Variants in LRRC28 observed in about 807,000 individuals in gnomAD.
The protein encoded by LRRC28 is leucine rich repeat containing 28, also known as leucine-rich repeat-containing protein 28.
In LRRC28, 39 loss-of-function variants were observed where a neutral mutation model predicts 45.7. The ratio of observed to expected loss-of-function variants is 0.85; its 90% CI spans 0.66 to 1.12. LRRC28 has a LOEUF of 1.12. Ranked by LOEUF, LRRC28 falls within the 50% of genes most tolerant of loss-of-function variation. The pLI is 0.00. For synonymous variants in LRRC28, 206 were observed against 178.8 expected, an observed-to-expected ratio of 1.15 and a Z score of -1.22; for missense variants, 435 against 438.5, an observed-to-expected ratio of 0.99 and a Z score of 0.07.
At chr15:99,331,897 A>C (rs1956170857) in intron 5 of LRRC28, 1 of 152,098 alleles carries the variant, frequency 6.6e-6, no homozygotes, top group African/African-American at 2.4e-5. Context: ...CCAAATTCAG[A>C]TTTTGGAAGA....
intron 5 of LRRC28, among the ~76,000 whole-genome samples, chr15:99,320,013 G>A (rs1955739138): frequency 6.6e-6 from 1 of 151,904 alleles, no homozygotes; most frequent in Non-Finnish European, 1.5e-5. Flanking sequence ...CACCATGTTG[G>A]CCAGGCTGGT....
At chr15:99,364,834 A>G (rs1368668448) in intron 9 of LRRC28, among the ~76,000 whole-genome samples, 1 of 152,186 alleles carries the variant, frequency 6.6e-6, no homozygotes, top group Admixed American at 6.5e-5. Flanking sequence ...AACTATTATT[A>G]TCTATTTTTG....
At chr15:99,378,709 A>G (rs1056578987) in intron 9 of LRRC28, among the ~76,000 whole-genome samples, 25 of 152,152 alleles carry the variant, frequency 1.6e-4, no homozygotes, top group Admixed American at 3.3e-4. Context: ...TTTGAGATAC[A>G]TCCCATCAAT....
intron 2 of LRRC28, chr15:99,258,878 T>C: frequency 2.8e-6 from 2 of 709,340 alleles, no homozygotes; most frequent in South Asian, 2.8e-5. Flanking sequence ...CACAGATGAC[T>C]TCCGTGATAC....
intron 2 of LRRC28, among the ~76,000 whole-genome samples, chr15:99,269,186 A>G (rs2081408204): frequency 6.6e-6 from 1 of 152,370 alleles, no homozygotes. Flanking sequence ...GAAGATACTT[A>G]AAATATTTTC....
intron 9 of LRRC28, among the ~76,000 whole-genome samples, chr15:99,383,326 G>A (rs1202272320): frequency 5.3e-5 from 8 of 152,200 alleles, no homozygotes; most frequent in Admixed American, 2.6e-4. Context: ...TGCCAGCACT[G>A]CGTTGTTCCT....
Position 99,361,963 on chromosome 15 carries a change from C to T in LRRC28, c.871+452C>T, listed in dbSNP as rs541499852. Among the ~76,000 whole-genome samples, 114 of 152,256 alleles carry T rather than the reference C, an allele frequency of 7.5e-4. 3 individuals are homozygous for T. The highest frequency in any genetic ancestry group is 6.2e-4 in the South Asian group (3 of 4,826). On this transcript the variant is annotated intron_variant, in intron 8 of 9. Coordinates refer to ENST00000301981, the MANE Select transcript of LRRC28 (RefSeq NM_144598.5). Reference sequence around the variant, plus strand: ...TCAATAGAGCAGGTTTTTGCCTTGCCGCCTCCTCGCATCTCAGCAATATGT... The same window carrying T: ...TCAATAGAGCAGGTTTTTGCCTTGCTGCCTCCTCGCATCTCAGCAATATGT...
chr15:99,319,598 G>A (rs1352407657), intron 5 of LRRC28, among the ~76,000 whole-genome samples: 1 of 150,952 alleles, frequency 6.6e-6, no homozygotes, highest in Non-Finnish European at 1.5e-5. Flanking sequence ...AATACTGAAT[G>A]AAATTCTAGT....
rs1597151321 is a variant in LRRC28, at chr15:99,259,398, G to C, written c.168+3273G>C. ...AGGTTCCAGAATGTTGCCAAGGAAGGAGTGAAGTTTGATGACAGTGAGAAA... is the reference window on the plus strand; with the variant it reads ...AGGTTCCAGAATGTTGCCAAGGAAGCAGTGAAGTTTGATGACAGTGAGAAA... On this transcript the variant is annotated intron_variant, in intron 2 of 9. Coordinates refer to ENST00000301981, the MANE Select transcript of LRRC28 (RefSeq NM_144598.5). 9.0e-6 allele frequency: 14 copies of C among 1,552,286 alleles called. No individual in the cohort carries two copies. The East Asian group carries it at 3.1e-4, about 35-fold the overall frequency.
At chr15:99,294,330 GTTC>G (rs957659980) in intron 5 of LRRC28, among the ~76,000 whole-genome samples, 8 of 151,322 alleles carry the variant, frequency 5.3e-5, no homozygotes, top group East Asian at 3.9e-4. Flanking sequence ...AGTGAACTTT[GTTC>G]TTCTTCTTTT....
At chr15:99,311,510 G>T (rs535449855) in intron 5 of LRRC28, among the ~76,000 whole-genome samples, 2 of 152,200 alleles carry the variant, frequency 1.3e-5, no homozygotes, top group East Asian at 3.9e-4. Flanking sequence ...ATTCTGTTGT[G>T]GTCAGGCTAT....
intron 2 of LRRC28, among the ~76,000 whole-genome samples, chr15:99,271,336 T>C (rs1445078351): frequency 6.6e-6 from 1 of 151,906 alleles, no homozygotes; most frequent in Admixed American, 6.6e-5. Context: ...TGGAGTGCAG[T>C]GGCACCATCT....
intron 9 of LRRC28, among the ~76,000 whole-genome samples, chr15:99,377,112 A>G (rs570466568): frequency 6.6e-6 from 1 of 152,134 alleles, no homozygotes; most frequent in Admixed American, 6.5e-5. Flanking sequence ...TCCTTGAGGA[A>G]TTGCCACACT....
chr15:99,301,123 G>A (rs1954953936), intron 5 of LRRC28, among the ~76,000 whole-genome samples: 1 of 152,174 alleles, frequency 6.6e-6, no homozygotes, highest in African/African-American at 2.4e-5. Context: ...TTCTCTTTAA[G>A]TGAGAAGATC....
At chr15:99,284,480 G>C (rs1456367059) in intron 3 of LRRC28, 1 of 447,372 alleles carries the variant, frequency 2.2e-6, no homozygotes, top group Admixed American at 2.4e-5. Context: ...ATGAGTATTT[G>C]TCTAAACCAT....
chr15:99,295,813 A>C (rs1474190336), intron 5 of LRRC28, among the ~76,000 whole-genome samples: 3 of 152,252 alleles, frequency 2.0e-5, no homozygotes, highest in Admixed American at 6.5e-5. Context: ...TGTGTACCAC[A>C]TATAACCAGC....
intron 9 of LRRC28, among the ~76,000 whole-genome samples, chr15:99,367,186 AG>A (rs1404597210): frequency 6.6e-6 from 1 of 152,230 alleles, no homozygotes; most frequent in Non-Finnish European, 1.5e-5. Flanking sequence ...CTATAAAATC[AG>A]GGTTCCCAAT....
In LRRC28 at chr15:99,388,608, G is replaced by C. The variant is rs1019999638; in HGVS notation, c.*2506G>C. Reference sequence around the variant, plus strand: ...CTTAATCTTTTGATACTATAAAGGAGTCTTACCAACTGGAGAAAATTTGCC... The same window carrying C: ...CTTAATCTTTTGATACTATAAAGGACTCTTACCAACTGGAGAAAATTTGCC... On this transcript the variant is annotated 3_prime_UTR_variant, in exon 10 of 10. Transcript: ENST00000301981. The C allele has an allele frequency of 6.6e-6, 1 of 152,194 alleles. No homozygotes were observed. Among genetic ancestry groups the C allele is most frequent in the African/African-American group, 2.4e-5 (1 of 41,454 alleles). 9.4% of individuals were successfully genotyped at this position (152,194 alleles called of 1,614,324 possible). A position where few individuals can be genotyped will look rare whatever the true frequency, so the allele number is the denominator to read the frequency against.
chr15:99,275,700 C>T (rs903514937), intron 2 of LRRC28, among the ~76,000 whole-genome samples: 2 of 152,202 alleles, frequency 1.3e-5, no homozygotes, highest in Non-Finnish European at 2.9e-5. Context: ...TTGAGTTTCT[C>T]CTTGCTGGGA....
Sources: allele counts gnomAD v4.1 joint callset (sites outside exome capture counted in the v4.1 genomes callset), GRCh38; gene constraint gnomAD v4.1.1; transcripts MANE v1.5; gene names NCBI Gene and HGNC (gene_info 2026-07-23, HGNC 2026-07-21).